The following SGCD variants were observed in gnomAD, a reference collection of about 807,000 sequenced individuals.
The protein encoded by SGCD is sarcoglycan delta, also known as delta-sarcoglycan.
SGCD carries 18 observed loss-of-function variants against 36.6 expected under a neutral mutation model. The observed-to-expected ratio is 0.49, with a 90% CI of 0.34 to 0.73. SGCD has a LOEUF of 0.73. SGCD is among the 30% of genes least tolerant of loss of function. The pLI, the probability that SGCD is intolerant of heterozygous loss-of-function variation, is 0.01. For synonymous variants in SGCD, 133 were observed against 130.6 expected, an observed-to-expected ratio of 1.02 and a Z score of -0.12; for missense variants, 387 against 346.7, an observed-to-expected ratio of 1.12 and a Z score of -0.92.
intron 4 of SGCD, among the ~76,000 whole-genome samples, chr5:156,551,581 C>T (rs6874767): frequency 0.47 from 71,644 of 151,488 alleles, 17,147 homozygotes; most frequent in Non-Finnish European, 0.5. Flanking sequence ...TCGACAGTCA[C>T]TGAATGAAAG....
At chr5:155,862,503 T>C in the SGCD span, among the ~76,000 whole-genome samples, 3 of 152,094 alleles carry the variant, frequency 2.0e-5, no homozygotes, top group Admixed American at 2.0e-4. Flanking sequence ...GTTTTTTATT[T>C]TATTTTATTT....
At chr5:156,315,938 T>G (rs1767506553) in intron 3 of SGCD, among the ~76,000 whole-genome samples, 1 of 151,990 alleles carries the variant, frequency 6.6e-6, no homozygotes, top group Non-Finnish European at 1.5e-5. Context: ...ATTTTGGATA[T>G]TAACCCCTTA....
intron 3 of SGCD, among the ~76,000 whole-genome samples, chr5:156,309,001 A>G (rs1324759102): frequency 6.6e-6 from 1 of 152,106 alleles, no homozygotes; most frequent in Admixed American, 6.6e-5. Context: ...TTTTGATGAG[A>G]AAGTTGCTAA....
At chr5:156,697,740 G>C (rs1754374735) in intron 7 of SGCD, among the ~76,000 whole-genome samples, 1 of 149,234 alleles carries the variant, frequency 6.7e-6, no homozygotes, top group Non-Finnish European at 1.5e-5. Flanking sequence ...GATAGTATTG[G>C]ATGGACGGAC....
chr5:156,532,912 T>C (rs1030818372), intron 4 of SGCD, among the ~76,000 whole-genome samples: 1 of 152,252 alleles, frequency 6.6e-6, no homozygotes, highest in Non-Finnish European at 1.5e-5. Context: ...TCTATCACTT[T>C]GATCTTCTAT....
intron 3 of SGCD, among the ~76,000 whole-genome samples, chr5:156,128,156 G>A (rs73813244): frequency 1.3e-5 from 2 of 152,072 alleles, no homozygotes; most frequent in South Asian, 4.2e-4. Flanking sequence ...GACAAGCAGT[G>A]GTGCTTAATT....
At chr5:156,484,163 A>T (rs927053680) in intron 3 of SGCD, among the ~76,000 whole-genome samples, 1 of 152,256 alleles carries the variant, frequency 6.6e-6, no homozygotes, top group Non-Finnish European at 1.5e-5. Context: ...CGACATTGTC[A>T]TTAAAGAAAA....
intron 3 of SGCD, among the ~76,000 whole-genome samples, chr5:156,396,390 C>G (rs901485791): frequency 2.6e-5 from 4 of 151,948 alleles, no homozygotes; most frequent in Non-Finnish European, 5.9e-5. Context: ...TGGGTTGCCT[C>G]TCATTAGCAG....
At chr5:156,504,449 A>G (rs1756610708) in intron 3 of SGCD, among the ~76,000 whole-genome samples, 2 of 146,938 alleles carry the variant, frequency 1.4e-5, no homozygotes, top group Admixed American at 1.4e-4. Flanking sequence ...TATATTAAAC[A>G]GTTATTTTTC....
At chr5:156,301,304 A>G (rs111685399) in intron 3 of SGCD, among the ~76,000 whole-genome samples, 1 of 152,052 alleles carries the variant, frequency 6.6e-6, no homozygotes, top group Non-Finnish European at 1.5e-5. Context: ...GCACATAACA[A>G]GTTTAACCCA....
intron 7 of SGCD, among the ~76,000 whole-genome samples, chr5:156,652,995 G>A (rs1763520081): frequency 6.6e-6 from 1 of 152,098 alleles, no homozygotes; most frequent in Admixed American, 6.6e-5. Flanking sequence ...GATTTTGTCT[G>A]CTAGTATTTT....
intron 3 of SGCD, among the ~76,000 whole-genome samples, chr5:156,274,055 G>A (rs1244692444): frequency 6.6e-6 from 1 of 152,076 alleles, no homozygotes; most frequent in East Asian, 1.9e-4. Context: ...ACTGACCTCT[G>A]TGTGGGGATA....
chr5:155,868,907 A>G (rs1341294755), upstream of SGCD, among the ~76,000 whole-genome samples: 2 of 152,210 alleles, frequency 1.3e-5, no homozygotes, highest in Non-Finnish European at 2.9e-5. Flanking sequence ...TGAAATAGCA[A>G]GAAATGTGAA....
At chr5:156,458,967 C>T (rs961159356) in intron 3 of SGCD, among the ~76,000 whole-genome samples, 2 of 152,110 alleles carry the variant, frequency 1.3e-5, no homozygotes, top group African/African-American at 4.8e-5. Flanking sequence ...AGGAATTTAA[C>T]CTGAATCATG....
chr5:156,546,569 T>A (rs1758581173), intron 4 of SGCD, among the ~76,000 whole-genome samples: 2 of 152,012 alleles, frequency 1.3e-5, no homozygotes, highest in Admixed American at 1.3e-4. Flanking sequence ...TTCAGATTAT[T>A]TTATCTCATT....
At chr5:156,457,531 T>C (rs1754312338) in intron 3 of SGCD, among the ~76,000 whole-genome samples, 1 of 152,218 alleles carries the variant, frequency 6.6e-6, no homozygotes. Context: ...GGATATTTAG[T>C]GAAGCACCAA....
chr5:155,956,433 C>T (rs144590345), intron 1 of SGCD, among the ~76,000 whole-genome samples: 12 of 152,204 alleles, frequency 7.9e-5, no homozygotes, highest in East Asian at 5.8e-4. Flanking sequence ...TCTTCTCTGA[C>T]GGATGATGGC....
intron 3 of SGCD, among the ~76,000 whole-genome samples, chr5:156,286,551 A>G (rs1766602414): frequency 6.6e-6 from 1 of 152,220 alleles, no homozygotes; most frequent in Admixed American, 6.5e-5. Flanking sequence ...GGAAACCATC[A>G]TTCTCAGCAA....
chr5:155,733,546 AT>A, the SGCD span, among the ~76,000 whole-genome samples: 1 of 152,104 alleles, frequency 6.6e-6, no homozygotes, highest in South Asian at 2.1e-4. Context: ...TGATACATGT[AT>A]TTTAAATAAC....
Sources: allele counts gnomAD v4.1 joint callset (sites outside exome capture counted in the v4.1 genomes callset), GRCh38; gene constraint gnomAD v4.1.1; transcripts MANE v1.5; gene names NCBI Gene and HGNC (gene_info 2026-07-23, HGNC 2026-07-21).